The following INSYN2B variants were observed in gnomAD, a reference collection of about 807,000 sequenced individuals.
INSYN2B encodes the protein protein INSYN2B.
INSYN2B carries 16 observed loss-of-function variants against 41.2 expected under a neutral mutation model. That is an observed-to-expected ratio of 0.39 (90% CI 0.26 to 0.59). The LOEUF is 0.59. Ranked by LOEUF, INSYN2B falls within the 20% of genes least tolerant of loss-of-function variation. INSYN2B has a pLI of 0.57. For synonymous variants in INSYN2B, 245 were observed against 244.4 expected (o/e 1.00, Z -0.02); for missense variants, 608 against 646.4 (o/e 0.94, Z 0.64).
chr5:169,881,315 C>T (rs897001330), intron 3 of INSYN2B, 53 bp downstream of exon 3: 13 of 1,433,756 alleles, frequency 9.1e-6, no homozygotes, highest in East Asian at 2.5e-5. Flanking sequence ...GAGTGTTCAG[C>T]GGACCCTATG....
At chr5:169,936,299 G>A (rs1341497815) in intron 1 of INSYN2B, among the ~76,000 whole-genome samples, 1 of 152,194 alleles carries the variant, frequency 6.6e-6, no homozygotes, top group Non-Finnish European at 1.5e-5. Flanking sequence ...GATGGGGCTA[G>A]GCTGCAGCAA....
At chr5:169,909,839 T>C (rs560471518) in intron 1 of INSYN2B, among the ~76,000 whole-genome samples, 15 of 152,318 alleles carry the variant, frequency 9.8e-5, no homozygotes, top group African/African-American at 3.4e-4. Context: ...AGATAAACAG[T>C]GGGAAAATCA....
At chr5:169,942,763 A>T (rs541515259) in intron 1 of INSYN2B, among the ~76,000 whole-genome samples, 6 of 152,316 alleles carry the variant, frequency 3.9e-5, no homozygotes, top group Middle Eastern at 3.4e-3. Context: ...AACAGAGATC[A>T]CCAACTAGCC....
intron 1 of INSYN2B, among the ~76,000 whole-genome samples, chr5:169,942,313 C>T (rs1776274347): frequency 6.6e-6 from 1 of 152,134 alleles, no homozygotes; most frequent in South Asian, 2.1e-4. Flanking sequence ...TGAAGTGGAT[C>T]CATGCCTCTC....
intron 1 of INSYN2B, among the ~76,000 whole-genome samples, chr5:169,943,751 C>T (rs539308674): frequency 1.8e-4 from 28 of 152,276 alleles, no homozygotes; most frequent in African/African-American, 6.7e-4. Context: ...AGGCCCTTCC[C>T]AGGCCTACTG....
In INSYN2B at chr5:169,864,213, G is replaced by A; in HGVS notation, c.*60C>T. The A allele has an allele frequency of 2.8e-6, 4 of 1,422,866 alleles. No individual in the cohort carries two copies. In the South Asian group the frequency reaches 3.7e-5, roughly 13 times the overall value. 88.1% of individuals were successfully genotyped at this position (1,422,866 alleles called of 1,614,324 possible). ...AAGCAGGGCAGGCCTTAAGTGCAGT[G>A]GATTTCCCATCTCAGGGAAGTGCGT... On this transcript the variant is annotated 3_prime_UTR_variant, in exon 4 of 4. Coordinates refer to ENST00000377365, the MANE Select transcript of INSYN2B (RefSeq NM_001129891.3).
intron 1 of INSYN2B, among the ~76,000 whole-genome samples, chr5:169,962,801 C>G (rs1434870113): frequency 6.6e-6 from 1 of 152,138 alleles, no homozygotes; most frequent in East Asian, 1.9e-4. Flanking sequence ...TGGCAAGTGT[C>G]AAGGTAGACG....
At chr5:169,975,724 C>T (rs1468394491) in intron 1 of INSYN2B, among the ~76,000 whole-genome samples, 1 of 152,182 alleles carries the variant, frequency 6.6e-6, no homozygotes, top group Admixed American at 6.5e-5. Flanking sequence ...TCATTAGTGG[C>T]ACATATCACT....
chr5:169,950,184 G>T (rs1013394456), intron 1 of INSYN2B, among the ~76,000 whole-genome samples: 3 of 152,182 alleles, frequency 2.0e-5, no homozygotes, highest in African/African-American at 7.2e-5. Flanking sequence ...GTGGTTGGAA[G>T]CTTGGTCACT....
chr5:169,975,756 A>G (rs1468644438), intron 1 of INSYN2B, among the ~76,000 whole-genome samples: 3 of 152,204 alleles, frequency 2.0e-5, no homozygotes, highest in Non-Finnish European at 4.4e-5. Flanking sequence ...TCTTACATAT[A>G]TATTTCCTTG....
Position 169,948,831 on chromosome 5 carries a change from C to CT in INSYN2B, c.-919+31445dup, listed in dbSNP as rs559522558. Among the ~76,000 whole-genome samples, 277 of 149,504 alleles carry CT rather than the reference C, an allele frequency of 1.9e-3. 5 individuals are homozygous for CT. The South Asian group carries it at 0.048, about 26-fold the overall frequency. Reference sequence around the variant, plus strand: ...GCCAGTTCCTCAGGATGGTTTGTCTCTTTTTTTTTTCTTCAGCTCCCCAGT... The same window carrying CT: ...GCCAGTTCCTCAGGATGGTTTGTCTCTTTTTTTTTTTCTTCAGCTCCCCAGT... On this transcript the variant is annotated intron_variant, in intron 1 of 3. Transcript: ENST00000377365.
Position 169,864,450 on chromosome 5 carries a change from A to G in INSYN2B, c.1431T>C (p.Tyr477=), listed in dbSNP as rs1046778631. 1.9e-6 allele frequency: 3 copies of G among 1,541,408 alleles called. No individual in the cohort carries two copies. Among genetic ancestry groups the G allele is most frequent in the Admixed American group, 4.0e-5 (2 of 50,176 alleles). ...NTACIIYSVE[Y]DFRQQEGRFH... ...ACCTGCCTTCCTGCTGCCGAAAATC[A>G]TACTCTACACTGAAAAACACAGAGA... Residue 477 remains tyrosine, a synonymous_variant, in exon 4 of 4, where the codon TAT becomes TAC. Coordinates refer to ENST00000377365, the MANE Select transcript of INSYN2B (RefSeq NM_001129891.3).
intron 1 of INSYN2B, among the ~76,000 whole-genome samples, chr5:169,892,667 A>G (rs1297039699): frequency 6.6e-6 from 1 of 152,212 alleles, no homozygotes; most frequent in Non-Finnish European, 1.5e-5. Flanking sequence ...TATGACTACC[A>G]TCTACCTCTA....
chr5:169,905,559 T>A (rs1774228817), intron 1 of INSYN2B, among the ~76,000 whole-genome samples: 1 of 152,198 alleles, frequency 6.6e-6, no homozygotes, highest in Non-Finnish European at 1.5e-5. Context: ...CCCACCTCTC[T>A]GAGGGTAATG....
chr5:169,901,605 G>C (rs1773930310), intron 1 of INSYN2B, among the ~76,000 whole-genome samples: 1 of 152,182 alleles, frequency 6.6e-6, no homozygotes, highest in South Asian at 2.1e-4. Context: ...ATGATGGCAA[G>C]GTGGTAACAG....
chr5:169,883,578 G>A lies in INSYN2B; in HGVS notation c.321C>T (p.Phe107=), dbSNP rs773236680. 114 of 1,551,512 alleles carry A rather than the reference G, an allele frequency of 7.3e-5. No individual in the cohort carries two copies. Among genetic ancestry groups the A allele is most frequent in the Admixed American group, 5.7e-4 (29 of 50,970 alleles). The change falls in exon 2 of 4, where the codon TTC becomes TTT. Residue 107 remains phenylalanine, a synonymous_variant. Transcript: ENST00000377365. ...IQTSPSLRKH[F]PVFKRKRLTA... The stretch of plus-strand genomic sequence containing the variant: ...TGAGTCTCTTCCTTTTGAAAACTGG[G>A]AAATGCTTCCTGAGACTGGGGGAAG...
At chr5:169,867,698 G>C (rs1026004369) in intron 3 of INSYN2B, among the ~76,000 whole-genome samples, 5 of 151,840 alleles carry the variant, frequency 3.3e-5, no homozygotes, top group African/African-American at 1.2e-4. Context: ...CACACACATA[G>C]ATCGCACACA....
At chr5:169,963,794 T>C (rs1011794133) in intron 1 of INSYN2B, among the ~76,000 whole-genome samples, 2 of 152,154 alleles carry the variant, frequency 1.3e-5, no homozygotes, top group African/African-American at 4.8e-5. Flanking sequence ...TCTAAGGCCC[T>C]GGCTCTTATC....
At chr5:169,923,142 T>C (rs1775265422) in intron 1 of INSYN2B, among the ~76,000 whole-genome samples, 1 of 152,170 alleles carries the variant, frequency 6.6e-6, no homozygotes, top group Admixed American at 6.5e-5. Context: ...GCTCCTCACC[T>C]CTGTGCTGGG....
Sources: allele counts gnomAD v4.1 joint callset (sites outside exome capture counted in the v4.1 genomes callset), GRCh38; gene constraint gnomAD v4.1.1; transcripts MANE v1.5; gene names NCBI Gene and HGNC (gene_info 2026-07-23, HGNC 2026-07-21).